HACL2: variants seen among roughly 807,000 people sequenced by gnomAD.
HACL2 encodes 2-hydroxyacyl-CoA lyase 2, also known as 2-hydroxyacyl-CoA lyase 1 like.
At chr19:15,122,581 C>G in the HACL2 span, 8 of 872,554 alleles carry the variant, frequency 9.2e-6, no homozygotes, top group Admixed American at 2.0e-5. This position sits in a 1 kb window ranked among gnomAD's most constrained non-coding sequence, Gnocchi z 4.0. Context: ...TGCTCTCCCC[C>G]CAGCTGTCTC....
At chr19:15,122,013 G>A in the HACL2 span, among the ~76,000 whole-genome samples, 4 of 148,796 alleles carry the variant, frequency 2.7e-5, no homozygotes, top group South Asian at 2.1e-4. The surrounding 1 kb of genome is among the most constrained non-coding windows in gnomAD (Gnocchi z 4.0). Flanking sequence ...TTCTCCTGCC[G>A]CAGCCTCCCA....
At chr19:15,124,686 G>A in the HACL2 span, 6 of 539,336 alleles carry the variant, frequency 1.1e-5, no homozygotes, top group Non-Finnish European at 2.0e-5. Context: ...GGAGGTAGGT[G>A]GGGTGCGAGT....
the HACL2 span, chr19:15,120,119 T>A: frequency 7.7e-7 from 1 of 1,292,692 alleles, no homozygotes; most frequent in Non-Finnish European, 1.1e-6. Flanking sequence ...GTTGCCAGAA[T>A]TAACTAACTA....
chr19:15,123,020 G>A, the HACL2 span: 17 of 1,604,466 alleles, frequency 1.1e-5, 1 homozygote, highest in East Asian at 2.0e-4. The surrounding 1 kb of genome is among the most constrained non-coding windows in gnomAD (Gnocchi z 5.1). Flanking sequence ...AGCCTGGAGC[G>A]CACCCCGGTT....
chr19:15,122,728 C>T, the HACL2 span: 1 of 1,614,202 alleles, frequency 6.2e-7, no homozygotes. The surrounding 1 kb of genome is among the most constrained non-coding windows in gnomAD (Gnocchi z 4.0). Context: ...CCTTGGGTGG[C>T]TTGGCTGGCA....
the HACL2 span, chr19:15,125,130 C>T: frequency 7.0e-7 from 1 of 1,422,556 alleles, no homozygotes; most frequent in Non-Finnish European, 9.3e-7. Context: ...CGGAAGAAAT[C>T]GCGCCCCTTC....
chr19:15,119,461 C>G, the HACL2 span: 1 of 1,614,044 alleles, frequency 6.2e-7, no homozygotes, highest in African/African-American at 1.3e-5. Flanking sequence ...GCCTGACTCC[C>G]CAGCACCATC....
the HACL2 span, among the ~76,000 whole-genome samples, chr19:15,118,255 C>A: frequency 1.3e-5 from 2 of 152,224 alleles, no homozygotes; most frequent in African/African-American, 4.8e-5. Flanking sequence ...GCCATAATAT[C>A]TCCCACCCTA....
the HACL2 span, chr19:15,122,910 C>A: frequency 6.2e-7 from 1 of 1,609,230 alleles, no homozygotes; most frequent in Non-Finnish European, 8.5e-7. The surrounding 1 kb of genome is among the most constrained non-coding windows in gnomAD (Gnocchi z 4.0). Context: ...CCCGACTGGG[C>A]GGCAGCCATC....
chr19:15,117,590 T>C, the HACL2 span: 1,394 of 262,022 alleles, frequency 5.3e-3, 8 homozygotes, highest in Non-Finnish European at 7.3e-3. Context: ...GGTGGGAGGA[T>C]TGCTTTTGAG....
chr19:15,120,873 G>A, the HACL2 span, among the ~76,000 whole-genome samples: 3 of 152,074 alleles, frequency 2.0e-5, no homozygotes, highest in Admixed American at 2.0e-4. Flanking sequence ...TCAAGGCTGT[G>A]GTGAGCTATG....
At chr19:15,121,409 G>A in the HACL2 span, among the ~76,000 whole-genome samples, 10 of 152,160 alleles carry the variant, frequency 6.6e-5, no homozygotes, top group Non-Finnish European at 1.0e-4. Context: ...GCTGCCGCTC[G>A]CTAAATGTAT....
chr19:15,124,757 C>T, the HACL2 span: 2 of 937,854 alleles, frequency 2.1e-6, no homozygotes, highest in African/African-American at 1.7e-5. Flanking sequence ...GGCCTCCATA[C>T]ACAGCGTGGC....
At chr19:15,119,990 G>A in the HACL2 span, 1 of 1,548,826 alleles carries the variant, frequency 6.5e-7, no homozygotes, top group South Asian at 1.2e-5. Flanking sequence ...ACCTGCTGCG[G>A]GGAAGCCTGG....
chr19:15,124,969 C>A, the HACL2 span: 1 of 1,607,832 alleles, frequency 6.2e-7, no homozygotes, highest in East Asian at 2.2e-5. Context: ...TGAGCGGCGC[C>A]CAGCAAGGCG....
chr19:15,116,097 G>A, the HACL2 span: 1 of 1,613,392 alleles, frequency 6.2e-7, no homozygotes, highest in Non-Finnish European at 8.5e-7. Context: ...GCAGGTGGGT[G>A]TGAAGGCGTC....
the HACL2 span, chr19:15,122,823 CGCTGAGTCCA>C: frequency 6.2e-7 from 1 of 1,613,834 alleles, no homozygotes; most frequent in Non-Finnish European, 8.5e-7. This position sits in a 1 kb window ranked among gnomAD's most constrained non-coding sequence, Gnocchi z 4.0. Context: ...ACAGGGAGGA[CGCTGAGTCCA>C]TAACATGTCC....
At chr19:15,119,204 C>A in the HACL2 span, 14 of 1,602,520 alleles carry the variant, frequency 8.7e-6, no homozygotes, top group Non-Finnish European at 1.2e-5. Context: ...CAGGGCCGCA[C>A]TGCGGTTCTC....
the HACL2 span, chr19:15,124,841 C>A: frequency 1.3e-6 from 2 of 1,520,094 alleles, no homozygotes; most frequent in Non-Finnish European, 8.9e-7. Context: ...TCCCACCCTG[C>A]ACAATGAGTG....
Sources: gnomAD v4.1 joint callset for allele counts (sites outside exome capture counted in the v4.1 genomes callset) on GRCh38, gnomAD v4.1.1 for gene constraint, Gnocchi (gnomAD v3.1) non-coding constraint, MANE v1.5 for transcripts, NCBI Gene and HGNC (gene_info 2026-07-23, HGNC 2026-07-21) for gene names.